Variants in CBLB observed in about 807,000 individuals in gnomAD.
CBLB encodes the protein Cbl proto-oncogene B.
In CBLB, 31 loss-of-function variants were observed where a neutral mutation model predicts 104.9. The observed-to-expected ratio is 0.30, with a 90% confidence interval of 0.22 to 0.40. CBLB has a LOEUF of 0.40. Among genes scored for constraint, CBLB ranks in the 10% least tolerant of loss-of-function variants. The pLI is 1.00. For missense variants in CBLB, 1,062 were observed against 1,214.6 expected, an observed-to-expected ratio of 0.87 and a Z score of 1.87; for synonymous variants, 440 against 422.6, an observed-to-expected ratio of 1.04 and a Z score of -0.51.
In CBLB at chr3:105,721,891, A is replaced by C. The variant is rs757601273; in HGVS notation, c.1204-1641T>G. ...TCATTTAGGCAAAACTCCCCTTGTT[A>C]TAAAAGTCAAAAGAGATCCATATTA... On this transcript the variant is annotated intron_variant, in intron 9 of 18. Coordinates refer to ENST00000394030, the MANE Select transcript of CBLB (RefSeq NM_170662.5). Among the ~76,000 whole-genome samples the C allele has an allele frequency of 3.0e-4, 45 of 152,314 alleles. No individual in the cohort carries two copies. The Middle Eastern group carries it at 0.01, about 35-fold the overall frequency.
Position 105,754,709 on chromosome 3 carries a change from CA to C in CBLB, c.567-3092del, listed in dbSNP as rs544970131. ...ACAAGTATAAGTAACTGTCAATCTACAAAGAATAGAATACATGACCAATGGA... is the reference window on the plus strand; with the variant it reads ...ACAAGTATAAGTAACTGTCAATCTACAAGAATAGAATACATGACCAATGGA... On this transcript the variant is annotated intron_variant, in intron 4 of 18. Coordinates refer to ENST00000394030, the MANE Select transcript of CBLB (RefSeq NM_170662.5). Among the ~76,000 whole-genome samples the C allele has an allele frequency of 1.7e-3, 253 of 152,240 alleles. 1 individual carries two copies. Among genetic ancestry groups the C allele is most frequent in the African/African-American group, 4.5e-3 (185 of 41,550 alleles).
chr3:105,827,396 T>C (rs1022311916), intron 3 of CBLB, among the ~76,000 whole-genome samples: 4 of 152,180 alleles, frequency 2.6e-5, no homozygotes, highest in Non-Finnish European at 5.9e-5. Context: ...TGTTATTACT[T>C]AGTCTAAAAG....
intron 17 of CBLB, among the ~76,000 whole-genome samples, chr3:105,676,829 C>T (rs1334304298): frequency 6.6e-6 from 1 of 152,102 alleles, no homozygotes; most frequent in Non-Finnish European, 1.5e-5. Flanking sequence ...CCATGCTGTT[C>T]TCATGATAGT....
At chr3:105,754,271 A>T (rs1333105096) in intron 4 of CBLB, among the ~76,000 whole-genome samples, 1 of 151,666 alleles carries the variant, frequency 6.6e-6, no homozygotes, top group African/African-American at 2.4e-5. Context: ...AACTTTCTTA[A>T]GACTAAGTGG....
At chr3:105,750,561 A>C (rs911699625) in intron 5 of CBLB, among the ~76,000 whole-genome samples, 1 of 152,208 alleles carries the variant, frequency 6.6e-6, no homozygotes, top group Non-Finnish European at 1.5e-5. Flanking sequence ...AAAAATGTTA[A>C]GCAGAAAATT....
At chr3:105,797,404 G>C (rs2082364844) in intron 3 of CBLB, among the ~76,000 whole-genome samples, 1 of 152,134 alleles carries the variant, frequency 6.6e-6, no homozygotes, top group African/African-American at 2.4e-5. Context: ...AGAACACATG[G>C]ACACAAAGAG....
At chr3:105,782,696 C>T (rs1048421878) in intron 3 of CBLB, among the ~76,000 whole-genome samples, 4 of 151,206 alleles carry the variant, frequency 2.6e-5, no homozygotes, top group African/African-American at 4.9e-5. Context: ...AAGCGATTCT[C>T]GTGTCTCAGC....
At chr3:105,688,524 T>C (rs1559826380) in intron 13 of CBLB, among the ~76,000 whole-genome samples, 1 of 152,096 alleles carries the variant, frequency 6.6e-6, no homozygotes, top group South Asian at 2.1e-4. Flanking sequence ...GTTTTCTACA[T>C]ATAAGAATCT....
chr3:105,754,531 G>GAGAGAGAGAGAGAC (rs1560097085), intron 4 of CBLB, among the ~76,000 whole-genome samples: 2 of 127,624 alleles, frequency 1.6e-5, no homozygotes, highest in Non-Finnish European at 1.6e-5. Context: ...GACAGAGAGA[G>GAGAGAGAGAGAGAC]AGAGAGAGAG....
chr3:105,704,702 T>C (rs568346476), intron 10 of CBLB, among the ~76,000 whole-genome samples: 59 of 152,152 alleles, frequency 3.9e-4, no homozygotes, highest in Non-Finnish European at 7.5e-4. Context: ...GCCTATTTTT[T>C]TTTCCTTAAT....
chr3:105,804,435 C>T (rs1183218309), intron 3 of CBLB, among the ~76,000 whole-genome samples: 1 of 151,676 alleles, frequency 6.6e-6, no homozygotes, highest in African/African-American at 2.4e-5. Flanking sequence ...GTGTGAGAAT[C>T]GCCTGAACCT....
At chr3:105,798,127 G>A (rs2082437027) in intron 3 of CBLB, among the ~76,000 whole-genome samples, 2 of 152,124 alleles carry the variant, frequency 1.3e-5, no homozygotes, top group African/African-American at 4.8e-5. Context: ...AATATTCTCA[G>A]CAAATGGCAA....
intron 3 of CBLB, among the ~76,000 whole-genome samples, chr3:105,784,156 T>C (rs1366589351): frequency 1.3e-5 from 2 of 152,240 alleles, no homozygotes; most frequent in Admixed American, 6.5e-5. Flanking sequence ...ATCTTTAGTA[T>C]TGAACTTCTT....
At chr3:105,840,269 C>T (rs2089342206) in intron 3 of CBLB, among the ~76,000 whole-genome samples, 1 of 151,922 alleles carries the variant, frequency 6.6e-6, no homozygotes, top group South Asian at 2.1e-4. Flanking sequence ...TAATATTTCA[C>T]ACATGTATAT....
At chr3:105,741,988 G>A (rs1462562133) in intron 6 of CBLB, among the ~76,000 whole-genome samples, 1 of 152,182 alleles carries the variant, frequency 6.6e-6, no homozygotes, top group East Asian at 1.9e-4. Context: ...CAAGTCCCTT[G>A]AAACTAATAT....
At chr3:105,754,610 T>C (rs1056670191) in intron 4 of CBLB, among the ~76,000 whole-genome samples, 2 of 151,602 alleles carry the variant, frequency 1.3e-5, no homozygotes, top group African/African-American at 4.9e-5. Context: ...CAAAAATCTT[T>C]CAATATATTC....
At chr3:105,777,499 A>T (rs1410219300) in intron 3 of CBLB, among the ~76,000 whole-genome samples, 1 of 152,204 alleles carries the variant, frequency 6.6e-6, no homozygotes, top group Non-Finnish European at 1.5e-5. Context: ...GTGGGAGCGC[A>T]TGCCTATAGC....
chr3:105,788,384 T>C (rs1338006711), intron 3 of CBLB, among the ~76,000 whole-genome samples: 1 of 152,134 alleles, frequency 6.6e-6, no homozygotes, highest in East Asian at 1.9e-4. Context: ...TCCAATCTTT[T>C]GGTTTCCTTG....
chr3:105,841,022 A>G (rs1216986897), intron 3 of CBLB, among the ~76,000 whole-genome samples: 1 of 152,166 alleles, frequency 6.6e-6, no homozygotes, highest in Non-Finnish European at 1.5e-5. Flanking sequence ...GGCCAAGCAC[A>G]GTGGCTCATG....
Sources: gnomAD v4.1 joint callset for allele counts (sites outside exome capture counted in the v4.1 genomes callset) on GRCh38, gnomAD v4.1.1 for gene constraint, MANE v1.5 for transcripts, NCBI Gene and HGNC (gene_info 2026-07-23, HGNC 2026-07-21) for gene names.